The following SEMA6D variants were observed in gnomAD, a reference collection of about 807,000 sequenced individuals.
SEMA6D encodes semaphorin-6D.
In SEMA6D, 35 loss-of-function variants were observed where a neutral mutation model predicts 106.6. The observed-to-expected ratio is 0.33, with a 90% CI of 0.25 to 0.44. The LOEUF is 0.44. Ranked by LOEUF, SEMA6D falls within the 20% of genes least tolerant of loss-of-function variation. The pLI is 1.00. For missense variants in SEMA6D, 1,185 were observed against 1,345.9 expected (o/e 0.88, Z 1.87); for synonymous variants, 499 against 487.7 (o/e 1.02, Z -0.31).
chr15:47,228,136 G>A (rs917392339), intron 1 of SEMA6D, among the ~76,000 whole-genome samples: 6 of 73,330 alleles, frequency 8.2e-5, no homozygotes, highest in Non-Finnish European at 1.3e-4. Flanking sequence ...ATGTGTGTGT[G>A]TACACACACA....
intron 4 of SEMA6D, among the ~76,000 whole-genome samples, chr15:47,613,248 G>A (rs568674364): frequency 5.3e-5 from 8 of 152,132 alleles, no homozygotes; most frequent in African/African-American, 1.9e-4. Flanking sequence ...GGAAGGGTAG[G>A]TTTGAGCCTC....
intron 1 of SEMA6D, among the ~76,000 whole-genome samples, chr15:47,412,012 A>G (rs2040815642): frequency 6.6e-6 from 1 of 152,106 alleles, no homozygotes; most frequent in Admixed American, 6.6e-5. Context: ...GTGTGCACAG[A>G]CTTTGCAGTC....
At chr15:47,388,791 G>A (rs1011620943) in intron 1 of SEMA6D, among the ~76,000 whole-genome samples, 1 of 121,006 alleles carries the variant, frequency 8.3e-6, no homozygotes, top group Non-Finnish European at 1.6e-5. Flanking sequence ...GGAGATGCAG[G>A]AATGAAGATA....
intron 2 of SEMA6D, among the ~76,000 whole-genome samples, chr15:47,415,708 T>C: frequency 6.6e-6 from 1 of 152,194 alleles, no homozygotes; most frequent in Admixed American, 6.6e-5. Flanking sequence ...TTACAAATGT[T>C]GTAGACAATC....
chr15:47,660,917 T>C (rs2077904612), intron 4 of SEMA6D, among the ~76,000 whole-genome samples: 1 of 152,162 alleles, frequency 6.6e-6, no homozygotes, highest in Non-Finnish European at 1.5e-5. Flanking sequence ...AAAGTTAGGT[T>C]TTGGATAAAG....
At chr15:47,692,055 A>T (rs2145775767) in intron 4 of SEMA6D, among the ~76,000 whole-genome samples, 1 of 152,282 alleles carries the variant, frequency 6.6e-6, no homozygotes, top group African/African-American at 2.4e-5. Context: ...AAAGACCCTG[A>T]CATGGGAAAA....
At chr15:47,225,491 T>C (rs1336601023) in intron 1 of SEMA6D, among the ~76,000 whole-genome samples, 1 of 150,810 alleles carries the variant, frequency 6.6e-6, no homozygotes, top group Non-Finnish European at 1.5e-5. Flanking sequence ...GGCCCGTTTT[T>C]TAATCGGGTG....
At chr15:47,456,155 G>A (rs10467988) in intron 2 of SEMA6D, among the ~76,000 whole-genome samples, 1 of 151,698 alleles carries the variant, frequency 6.6e-6, no homozygotes, top group Non-Finnish European at 1.5e-5. Context: ...ACCAAACAAG[G>A]TGTTGGAGGC....
At position 47,770,729 on chromosome 15, in the gene SEMA6D, C is replaced by T. The variant is rs374733867; in HGVS notation, c.2166C>T (p.Asp722=). The T allele has an allele frequency of 2.5e-6, 4 of 1,614,008 alleles. No homozygotes were observed. The highest frequency in any genetic ancestry group is 3.4e-6 in the Non-Finnish European group (4 of 1,180,000). Reference sequence around the variant, plus strand: ...TTGCCAAACTGAATGGTCTCTTTGACAGCCCTGTCAAGGAATACCAACAGA... The same window carrying T: ...TTGCCAAACTGAATGGTCTCTTTGATAGCCCTGTCAAGGAATACCAACAGA... ...GSFAKLNGLF[D]SPVKEYQQNI... is the part of the protein sequence containing the mutation. The change falls in exon 19 of 19, where the codon GAC becomes GAT. Residue 722 remains aspartate, a synonymous_variant. Coordinates refer to ENST00000536845, the MANE Select transcript of SEMA6D (RefSeq NM_001358351.3).
intron 2 of SEMA6D, among the ~76,000 whole-genome samples, chr15:47,460,970 G>A (rs923332895): frequency 3.9e-5 from 6 of 152,046 alleles, no homozygotes; most frequent in Non-Finnish European, 5.9e-5. Context: ...TCCCCAGATG[G>A]TGTGACTCCT....
intron 1 of SEMA6D, among the ~76,000 whole-genome samples, chr15:47,355,909 C>G (rs1254377546): frequency 6.6e-6 from 1 of 152,140 alleles, no homozygotes; most frequent in Non-Finnish European, 1.5e-5. Context: ...ATTGCTCTTC[C>G]AAGTCTCTGT....
intron 1 of SEMA6D, among the ~76,000 whole-genome samples, chr15:47,316,119 A>ATTTTTTTT (rs1595714626): frequency 3.2e-4 from 1 of 3,148 alleles, no homozygotes; most frequent in South Asian, 9.3e-3. Flanking sequence ...TTGAGACAGA[A>ATTTTTTTT]TCTTGTTCTG....
intron 1 of SEMA6D, among the ~76,000 whole-genome samples, chr15:47,299,965 A>AG (rs1319523880): frequency 1.1e-4 from 17 of 152,230 alleles, no homozygotes; most frequent in Non-Finnish European, 1.8e-4. Flanking sequence ...CAGAGGAGCC[A>AG]GTCTCCTCAG....
intron 1 of SEMA6D, among the ~76,000 whole-genome samples, chr15:47,264,675 T>C (rs745789650): frequency 1.1e-4 from 17 of 152,220 alleles, no homozygotes; most frequent in Non-Finnish European, 1.8e-4. Flanking sequence ...ACCTTTGGTT[T>C]CTTTCTTTTT....
intron 3 of SEMA6D, among the ~76,000 whole-genome samples, chr15:47,484,310 G>A (rs903521858): frequency 3.3e-5 from 5 of 152,076 alleles, no homozygotes; most frequent in African/African-American, 9.7e-5. Flanking sequence ...GGAACAGTGC[G>A]GAGGTACTTC....
intron 1 of SEMA6D, among the ~76,000 whole-genome samples, chr15:47,330,596 C>T (rs1451848824): frequency 6.6e-6 from 1 of 152,228 alleles, no homozygotes; most frequent in Non-Finnish European, 1.5e-5. Context: ...ATTCAGCCAA[C>T]ATTTATTGAG....
chr15:47,658,974 C>T (rs781156788), intron 4 of SEMA6D, among the ~76,000 whole-genome samples: 29 of 151,886 alleles, frequency 1.9e-4, no homozygotes, highest in Non-Finnish European at 3.2e-4. Context: ...ATGATTTTTA[C>T]GAAGAAAACT....
intron 3 of SEMA6D, among the ~76,000 whole-genome samples, chr15:47,532,786 AT>A (rs1411154685): frequency 6.6e-6 from 1 of 152,170 alleles, no homozygotes; most frequent in Non-Finnish European, 1.5e-5. Context: ...GAAATCTTTC[AT>A]TTAGCTGAAT....
chr15:47,738,857 G>A (rs1457635642), intron 1 of SEMA6D, among the ~76,000 whole-genome samples: 2 of 152,156 alleles, frequency 1.3e-5, no homozygotes, highest in Non-Finnish European at 2.9e-5. Flanking sequence ...TAGGTGAGGG[G>A]GGCTCCAGGT....
Sources: gnomAD v4.1 joint callset for allele counts (sites outside exome capture counted in the v4.1 genomes callset) on GRCh38, gnomAD v4.1.1 for gene constraint, MANE v1.5 for transcripts, NCBI Gene and HGNC (gene_info 2026-07-23, HGNC 2026-07-21) for gene names.